TSHZ2: variants seen among roughly 807,000 people sequenced by gnomAD.
The protein encoded by TSHZ2 is teashirt homolog 2.
TSHZ2 carries 21 observed loss-of-function variants against 74.4 expected under a neutral mutation model. The observed-to-expected ratio is 0.28, with a 90% confidence interval of 0.20 to 0.41. The LOEUF is 0.41. TSHZ2 is among the 10% of genes least tolerant of loss of function. The pLI is 1.00. For synonymous variants in TSHZ2, 540 were observed against 515.3 expected (o/e 1.05, Z -0.65); for missense variants, 1,244 against 1,293.5 (o/e 0.96, Z 0.59).
intron 1 of TSHZ2, among the ~76,000 whole-genome samples, chr20:52,992,441 T>C (rs1982028684): frequency 6.6e-6 from 1 of 152,202 alleles, no homozygotes; most frequent in Non-Finnish European, 1.5e-5. Context: ...CTAGCAATCG[T>C]AAGAAAACAG....
intron 1 of TSHZ2, among the ~76,000 whole-genome samples, chr20:53,240,480 T>C (rs1990037939): frequency 6.6e-6 from 1 of 152,256 alleles, no homozygotes; most frequent in African/African-American, 2.4e-5. Context: ...GAATCTCCAT[T>C]TTTAGGTACA....
intron 1 of TSHZ2, among the ~76,000 whole-genome samples, chr20:53,198,664 T>G (rs898853583): frequency 5.3e-5 from 8 of 152,196 alleles, no homozygotes; most frequent in Admixed American, 4.6e-4. Flanking sequence ...AATTATCCCT[T>G]TCAAATATCT....
At chr20:53,203,191 A>ATTTTTT (rs34078708) in intron 1 of TSHZ2, among the ~76,000 whole-genome samples, 2 of 130,546 alleles carry the variant, frequency 1.5e-5, no homozygotes, top group Admixed American at 7.7e-5. Flanking sequence ...GCAGACTCAA[A>ATTTTTT]TTTTTTTTTT....
At chr20:53,415,147 C>G (rs1243826200) in intron 2 of TSHZ2, among the ~76,000 whole-genome samples, 1 of 152,200 alleles carries the variant, frequency 6.6e-6, no homozygotes, top group South Asian at 2.1e-4. Context: ...TCTTTCCCCT[C>G]TCTCTTTCAT....
intron 1 of TSHZ2, among the ~76,000 whole-genome samples, chr20:53,219,337 A>G (rs1163466926): frequency 6.6e-6 from 1 of 152,214 alleles, no homozygotes; most frequent in African/African-American, 2.4e-5. Context: ...ACATCTCCAA[A>G]CAAAAAGCAA....
chr20:53,122,308 GAAA>G (rs1986834799), intron 1 of TSHZ2, among the ~76,000 whole-genome samples: 1 of 132,314 alleles, frequency 7.6e-6, no homozygotes, highest in Non-Finnish European at 1.7e-5. Flanking sequence ...AAAAAAGAAA[GAAA>G]ACAACAGCAA....
intron 1 of TSHZ2, among the ~76,000 whole-genome samples, chr20:53,165,999 G>T (rs936538526): frequency 2.6e-5 from 4 of 152,194 alleles, no homozygotes; most frequent in Non-Finnish European, 5.9e-5. Context: ...GGTGGCATAT[G>T]TTTAGTTGTC....
At chr20:53,195,686 T>C (rs1459250142) in intron 1 of TSHZ2, among the ~76,000 whole-genome samples, 1 of 152,212 alleles carries the variant, frequency 6.6e-6, no homozygotes, top group Non-Finnish European at 1.5e-5. Flanking sequence ...GCATACAAAG[T>C]GGCTAGTCTT....
At chr20:53,010,911 G>T (rs929305040) in intron 1 of TSHZ2, among the ~76,000 whole-genome samples, 2 of 152,056 alleles carry the variant, frequency 1.3e-5, no homozygotes, top group Non-Finnish European at 2.9e-5. Flanking sequence ...TTATTTTGTA[G>T]AGTTGGACAT....
intron 1 of TSHZ2, among the ~76,000 whole-genome samples, chr20:53,120,023 T>C (rs896545206): frequency 2.0e-5 from 3 of 152,238 alleles, no homozygotes; most frequent in Admixed American, 6.5e-5. Context: ...TTCCTCTTTA[T>C]ATTTTCCTCT....
At chr20:53,169,315 T>C (rs867639137) in intron 1 of TSHZ2, among the ~76,000 whole-genome samples, 2 of 152,228 alleles carry the variant, frequency 1.3e-5, no homozygotes, top group Admixed American at 6.5e-5. Flanking sequence ...CAAGCCATAA[T>C]TGTACCAGCT....
intron 2 of TSHZ2, among the ~76,000 whole-genome samples, chr20:53,311,097 A>T (rs1329726639): frequency 6.6e-6 from 1 of 152,228 alleles, no homozygotes. Flanking sequence ...AATAAGCTAA[A>T]AGTAAGAATT....
chr20:53,437,668 C>T (rs1205317807), intron 2 of TSHZ2, among the ~76,000 whole-genome samples: 1 of 152,160 alleles, frequency 6.6e-6, no homozygotes, highest in Non-Finnish European at 1.5e-5. Flanking sequence ...CCCTCCAAAT[C>T]TCATGTTGAA....
chr20:53,396,792 G>A (rs1311989152), intron 2 of TSHZ2, among the ~76,000 whole-genome samples: 3 of 149,960 alleles, frequency 2.0e-5, no homozygotes, highest in Non-Finnish European at 2.9e-5. Flanking sequence ...AGGCTACAGT[G>A]AGCCAAGATG....
intron 2 of TSHZ2, among the ~76,000 whole-genome samples, chr20:53,325,009 C>T (rs1227616771): frequency 6.6e-6 from 1 of 152,240 alleles, no homozygotes; most frequent in Non-Finnish European, 1.5e-5. Context: ...GGCAGAATTC[C>T]TGAGGCCTAA....
In TSHZ2 at chr20:53,186,399, C is replaced by G. The variant is rs184330370; in HGVS notation, c.41-67100C>G. Among the ~76,000 whole-genome samples, 284 of 152,294 alleles carry G rather than the reference C, an allele frequency of 1.9e-3. 1 individual carries two copies. Among genetic ancestry groups the G allele is most frequent in the Non-Finnish European group, 2.8e-3 (192 of 68,036 alleles). On this transcript the variant is annotated intron_variant, in intron 1 of 2. Coordinates refer to ENST00000371497, the MANE Select transcript of TSHZ2 (RefSeq NM_173485.6). ...TTTCTACAATACAACTTTCAAAAAC[C>G]CACTGCAAACGTACTGAATCAGAAA...
At chr20:53,088,115 T>C (rs1472057779) in intron 1 of TSHZ2, among the ~76,000 whole-genome samples, 1 of 152,200 alleles carries the variant, frequency 6.6e-6, no homozygotes, top group Non-Finnish European at 1.5e-5. Flanking sequence ...CTGGGACTCA[T>C]CACCTATTGC....
intron 1 of TSHZ2, among the ~76,000 whole-genome samples, chr20:53,019,530 T>C (rs1486636126): frequency 1.3e-5 from 2 of 152,154 alleles, no homozygotes; most frequent in Admixed American, 6.5e-5. Context: ...GGGAGACCCC[T>C]GTTGTTGAAT....
chr20:52,988,543 A>G lies in TSHZ2; in HGVS notation c.40+15210A>G, dbSNP rs192209553. On this transcript the variant is annotated intron_variant, in intron 1 of 2. Coordinates refer to ENST00000371497, the MANE Select transcript of TSHZ2 (RefSeq NM_173485.6). The stretch of plus-strand genomic sequence containing the variant: ...AGATACATGGAGGCTAAGGCCATGA[A>G]CTGAAATTTAGTGTTTCCCCAGGTT... Among the ~76,000 whole-genome samples the G allele has an allele frequency of 3.3e-5, 5 of 152,230 alleles. No individual in the cohort carries two copies. In the East Asian group the frequency reaches 9.7e-4, roughly 29 times the overall value.
Sources: gnomAD v4.1 joint callset for allele counts (sites outside exome capture counted in the v4.1 genomes callset) on GRCh38, gnomAD v4.1.1 for gene constraint, MANE v1.5 for transcripts, NCBI Gene and HGNC (gene_info 2026-07-23, HGNC 2026-07-21) for gene names.